AZIN1: variants seen among roughly 807,000 people sequenced by gnomAD.
AZIN1 encodes antizyme inhibitor 1.
Under a neutral mutation model 47.4 loss-of-function variants are expected in AZIN1, and 12 were observed. The observed-to-expected ratio is 0.25, with a 90% CI of 0.16 to 0.41. The LOEUF is 0.41. Among genes scored for constraint, AZIN1 ranks in the 10% least tolerant of loss-of-function variants. The pLI is 1.00. For synonymous variants in AZIN1, 155 were observed against 176.3 expected, an observed-to-expected ratio of 0.88 and a Z score of 0.96; for missense variants, 410 against 532.4, an observed-to-expected ratio of 0.77 and a Z score of 2.26.
chr8:102,837,823 A>G, intron 5 of AZIN1, among the ~76,000 whole-genome samples: 1 of 152,232 alleles, frequency 6.6e-6, no homozygotes, highest in East Asian at 1.9e-4. Context: ...ATAACTCATT[A>G]AAAAGTAAGC....
chr8:102,857,804 A>C (rs1813390711), intron 2 of AZIN1, among the ~76,000 whole-genome samples: 1 of 152,164 alleles, frequency 6.6e-6, no homozygotes, highest in South Asian at 2.1e-4. Flanking sequence ...AGATAGTTTT[A>C]AATGATCCAG....
chr8:102,836,300 G>C lies in AZIN1; in HGVS notation c.540C>G (p.Leu180=), dbSNP rs2131212791. The change falls in exon 6 of 12, where the codon CTC becomes CTG. Residue 180 remains leucine (L), a synonymous_variant. Coordinates refer to ENST00000337198, the MANE Select transcript of AZIN1 (RefSeq NM_148174.4). ...CATCAAGTTCCTTAGCACATTCCAA[G>C]AGATGCCTACAGTTCTTCAGGGTAG... is the stretch of plus-strand genomic sequence containing the variant. The part of the protein sequence containing the change: ...FGTTLKNCRH[L]LECAKELDVQ... The C allele has an allele frequency of 6.2e-7, 1 of 1,613,956 alleles. No individual in the cohort carries two copies. Among genetic ancestry groups the C allele is most frequent in the South Asian group, 1.1e-5 (1 of 91,080 alleles).
intron 7 of AZIN1, 39 bp from the exon 8 acceptor site, chr8:102,834,302 TTGTAA>T: frequency 6.6e-7 from 1 of 1,524,156 alleles, no homozygotes; most frequent in Non-Finnish European, 9.0e-7. Context: ...TTTTTCCAAA[TTGTAA>T]TGGATATGAG....
At chr8:102,852,858 T>C (rs1813005272) in intron 2 of AZIN1, among the ~76,000 whole-genome samples, 2 of 152,196 alleles carry the variant, frequency 1.3e-5, no homozygotes. Flanking sequence ...AAGGACAAAA[T>C]ATCTGTGCTC....
At chr8:102,863,641 G>A (rs1368203261) in intron 1 of AZIN1, among the ~76,000 whole-genome samples, 166 bp downstream of exon 1, 1 of 148,694 alleles carries the variant, frequency 6.7e-6, no homozygotes, top group African/African-American at 2.4e-5. Context: ...CGCCGCCGCC[G>A]CCGCCGGGGG....
intron 2 of AZIN1, among the ~76,000 whole-genome samples, chr8:102,849,063 C>T (rs914704324): frequency 9.2e-5 from 14 of 151,976 alleles, no homozygotes; most frequent in Admixed American, 5.9e-4. Flanking sequence ...TCTGGGAGGC[C>T]GAGGCAGGCA....
At chr8:102,855,177 C>T (rs1403209898) in intron 2 of AZIN1, among the ~76,000 whole-genome samples, 2 of 151,936 alleles carry the variant, frequency 1.3e-5, no homozygotes, top group Non-Finnish European at 2.9e-5. Context: ...GCCTCAGCCT[C>T]CCACGAGTAG....
chr8:102,849,554 A>G (rs1431069847), intron 2 of AZIN1, among the ~76,000 whole-genome samples: 1 of 152,158 alleles, frequency 6.6e-6, no homozygotes, highest in Non-Finnish European at 1.5e-5. Flanking sequence ...AAACTACTCC[A>G]TGTAAATCTT....
At chr8:102,863,372 C>CGGG (rs1417684445) in intron 1 of AZIN1, among the ~76,000 whole-genome samples, 2 of 151,238 alleles carry the variant, frequency 1.3e-5, no homozygotes, top group Admixed American at 1.3e-4. Flanking sequence ...GTGGCGGCGG[C>CGGG]GCACCGCGGA....
chr8:102,859,771 G>A (rs962442718), intron 1 of AZIN1, among the ~76,000 whole-genome samples: 1 of 152,198 alleles, frequency 6.6e-6, no homozygotes, highest in Admixed American at 6.5e-5. Flanking sequence ...AAGAGGCGGA[G>A]GTTGCAGTGA....
chr8:102,846,365 C>A (rs1440854714), intron 2 of AZIN1, among the ~76,000 whole-genome samples: 1 of 152,140 alleles, frequency 6.6e-6, no homozygotes, highest in African/African-American at 2.4e-5. Context: ...TATTTTCAAA[C>A]CATATAATTT....
rs534329720 is a variant in AZIN1, at chr8:102,832,509, A to G, written c.904+547T>C. 5.1e-4 allele frequency among the ~76,000 whole-genome samples: 78 copies of G among 152,240 alleles called. 2 individuals carry two copies. The highest frequency in any genetic ancestry group is 7.3e-5 in the Non-Finnish European group (5 of 68,044). On this transcript the variant is annotated intron_variant, in intron 9 of 11. Transcript: ENST00000337198. ...TGAGGTAAGGAGAACAGAAAAGATC[A>G]CAATAAAAGTAGTTCTGAATAATGG...
rs1270937164 is a variant in AZIN1 at position 102,846,278 on chromosome 8, A to G, written c.-95-2531T>C. Among the ~76,000 whole-genome samples the G allele has an allele frequency of 3.9e-5, 6 of 152,220 alleles. No individual in the cohort carries two copies. In the East Asian group the frequency reaches 1.2e-3, roughly 29 times the overall value. ...CATCAGGCCCACTGGATCAAGTCTT[A>G]CTGGCTGACTACCTACATTCTTCAG... On this transcript the variant is annotated intron_variant, in intron 2 of 11. Transcript: ENST00000337198.
At chr8:102,844,977 C>T (rs1168090144) in intron 2 of AZIN1, among the ~76,000 whole-genome samples, 2 of 152,142 alleles carry the variant, frequency 1.3e-5, no homozygotes, top group African/African-American at 2.4e-5. Flanking sequence ...GAAATAACTT[C>T]GACATAAATG....
At chr8:102,836,174 T>TA in intron 6 of AZIN1, 82 bp downstream of exon 6, 2 of 1,406,724 alleles carry the variant, frequency 1.4e-6, no homozygotes, top group Non-Finnish European at 1.9e-6. Context: ...TTCATGCAAA[T>TA]AAAGTCTTAA....
rs1285584349 is a variant in AZIN1, at chr8:102,827,464, GATA to G, written c.*1100_*1102del. 1.3e-5 allele frequency: 2 copies of G among 152,176 alleles called. No individual in the cohort carries two copies. The highest frequency in any genetic ancestry group is 6.6e-5 in the Admixed American group (1 of 15,266). 9.4% of individuals were successfully genotyped at this position (152,176 alleles called of 1,614,324 possible). On this transcript the variant is annotated 3_prime_UTR_variant, in exon 12 of 12. Transcript: ENST00000337198. ...TAAATTTGAAATCACTGCAACTGAA[GATA>G]ATAAGTGTGCTTCACCCCAACCCCC...
chr8:102,854,786 T>TA (rs199733627), intron 2 of AZIN1, among the ~76,000 whole-genome samples: 6,677 of 143,218 alleles, frequency 0.047, 443 homozygotes, highest in African/African-American at 0.15. Flanking sequence ...GACAACCAGG[T>TA]AAAAAAAAAA....
intron 3 of AZIN1, among the ~76,000 whole-genome samples, chr8:102,842,082 G>A (rs933716341): frequency 1.3e-5 from 2 of 151,810 alleles, no homozygotes; most frequent in Non-Finnish European, 2.9e-5. Flanking sequence ...CTGCGCTCCA[G>A]CCTGGGCAAC....
intron 9 of AZIN1, 124 bp downstream of exon 9, chr8:102,832,932 G>A (rs111958186): frequency 9.6e-5 from 80 of 834,954 alleles, no homozygotes; most frequent in African/African-American, 9.4e-4. Context: ...GAGCCACCAC[G>A]CCCGGCCAGT....
Sources: gnomAD v4.1 joint callset for allele counts (sites outside exome capture counted in the v4.1 genomes callset) on GRCh38, gnomAD v4.1.1 for gene constraint, MANE v1.5 for transcripts, NCBI Gene and HGNC (gene_info 2026-07-23, HGNC 2026-07-21) for gene names.